NELL2: variants seen among roughly 807,000 people sequenced by gnomAD.
The protein encoded by NELL2 is protein kinase C-binding protein NELL2.
A neutral mutation model predicts 109.6 loss-of-function variants in NELL2; 41 were observed. The observed-to-expected ratio is 0.37, with a 90% CI of 0.29 to 0.49. NELL2 has a LOEUF of 0.49. NELL2 is among the 20% of genes least tolerant of loss of function. The pLI is 0.98. For synonymous variants in NELL2, 355 were observed against 344.7 expected, an observed-to-expected ratio of 1.03 and a Z score of -0.33; for missense variants, 900 against 1,008.3, an observed-to-expected ratio of 0.89 and a Z score of 1.45.
intron 3 of NELL2, among the ~76,000 whole-genome samples, chr12:44,814,216 G>A (rs1943263926): frequency 6.6e-6 from 1 of 152,120 alleles, no homozygotes; most frequent in Non-Finnish European, 1.5e-5. Context: ...GGTAGCAGTG[G>A]CCATCATCTA....
In NELL2 at chr12:44,834,596, C is replaced by T. The variant is rs748347130; in HGVS notation, c.185-18460G>A. ...GACAACAATTTAGCAATAAATACTG[C>T]GCAGGGCAGGGGTGGGGCACTAAGG... On this transcript the variant is annotated intron_variant, in intron 2 of 19. Coordinates refer to ENST00000429094, the MANE Select transcript of NELL2 (RefSeq NM_001145108.2). Among the ~76,000 whole-genome samples, 4 of 152,282 alleles carry T rather than the reference C, an allele frequency of 2.6e-5. No homozygotes were observed. In the East Asian group the frequency reaches 5.8e-4, roughly 22 times the overall value.
chr12:44,511,818 A>C (rs902152714), intron 19 of NELL2, among the ~76,000 whole-genome samples: 3 of 152,156 alleles, frequency 2.0e-5, no homozygotes, highest in Non-Finnish European at 4.4e-5. Context: ...ACCTATAAAA[A>C]ATCAACTAAA....
Position 44,716,263 on chromosome 12 carries a change from C to T in NELL2, c.995-1522G>A, listed in dbSNP as rs1938481948. The stretch of plus-strand genomic sequence containing the variant: ...AAACCATGCACGTTTTTTAAAATGT[C>T]ATCCTCCAACTGATCTCCTTACACA... On this transcript the variant is annotated intron_variant, in intron 9 of 19. Transcript: ENST00000429094. Among the ~76,000 whole-genome samples the T allele has an allele frequency of 5.3e-5, 8 of 152,088 alleles. No individual in the cohort carries two copies. In the South Asian group the frequency reaches 1.7e-3, roughly 32 times the overall value.
rs201652982 is a variant in NELL2, at chr12:44,777,302, C to T, written c.619G>A (p.Asp207Asn). ...TGGGGCATGACAAGTAATTGGACAT[C>T]TTGCATTATACCCTGTGTGTGAAAA... is the stretch of plus-strand genomic sequence containing the variant. ...AHGYFKGIMQ[D>N]VQLLVMPQGF... Residue 207 changes from aspartate (D) to asparagine (N), a missense_variant, in exon 6 of 20, where the codon GAT becomes AAT. Physicochemically the swap from Asp to Asn is conservative, Grantham distance 23. Coordinates refer to ENST00000429094, the MANE Select transcript of NELL2 (RefSeq NM_001145108.2). 10 of 1,613,212 alleles carry T rather than the reference C, an allele frequency of 6.2e-6. No homozygotes were observed. The highest frequency in any genetic ancestry group is 4.0e-5 in the African/African-American group (3 of 75,008).
At chr12:44,522,302 T>C (rs1941577720) in intron 17 of NELL2, 126 bp from the exon 18 acceptor site, 1 of 684,702 alleles carries the variant, frequency 1.5e-6, no homozygotes, top group African/African-American at 1.9e-5. Context: ...GCTTATCTGA[T>C]ATAATAAATT....
At chr12:44,792,061 C>T (rs12322873) in intron 3 of NELL2, among the ~76,000 whole-genome samples, 3,771 of 152,074 alleles carry the variant, frequency 0.025, 159 homozygotes, top group African/African-American at 0.087. Context: ...TCAAAAGCCT[C>T]GTGACGAGGA....
At chr12:44,837,925 T>C (rs1037240375) in intron 2 of NELL2, among the ~76,000 whole-genome samples, 1 of 152,188 alleles carries the variant, frequency 6.6e-6, no homozygotes, top group Non-Finnish European at 1.5e-5. Flanking sequence ...TATAATACCC[T>C]AAAATCATCT....
intron 1 of NELL2, among the ~76,000 whole-genome samples, chr12:44,909,496 T>C (rs1312787256): frequency 6.6e-6 from 1 of 151,856 alleles, no homozygotes; most frequent in Non-Finnish European, 1.5e-5. Flanking sequence ...ACCACAATCA[T>C]TAAAATACCC....
At chr12:44,733,308 G>GT (rs1418186856) in intron 9 of NELL2, among the ~76,000 whole-genome samples, 2 of 151,928 alleles carry the variant, frequency 1.3e-5, no homozygotes, top group African/African-American at 4.8e-5. Flanking sequence ...AACAACCTAA[G>GT]TGTCCACTGA....
chr12:44,626,322 T>C (rs1430290773), intron 13 of NELL2, among the ~76,000 whole-genome samples: 1 of 152,188 alleles, frequency 6.6e-6, no homozygotes, highest in Non-Finnish European at 1.5e-5. Flanking sequence ...TCTGTGTTCC[T>C]TGAATAGCTA....
At chr12:44,574,739 G>A (rs1451941094) in intron 15 of NELL2, among the ~76,000 whole-genome samples, 2 of 152,066 alleles carry the variant, frequency 1.3e-5, no homozygotes, top group African/African-American at 4.8e-5. Context: ...CAGAGATTTG[G>A]CACATATGTT....
intron 13 of NELL2, among the ~76,000 whole-genome samples, chr12:44,626,876 T>A (rs1443937664): frequency 6.6e-6 from 1 of 152,196 alleles, no homozygotes; most frequent in African/African-American, 2.4e-5. Flanking sequence ...CCACAATGAA[T>A]TTCGATTTTA....
Position 44,777,102 on chromosome 12 carries a change from G to A in NELL2, c.702C>T (p.Phe234=). Residue 234 remains phenylalanine (F), a synonymous_variant, in exon 7 of 20, where the codon TTC becomes TTT. Coordinates refer to ENST00000429094, the MANE Select transcript of NELL2 (RefSeq NM_001145108.2). The stretch of plus-strand genomic sequence containing the variant: ...CCATGATTTTCTGCACAAGTCCATG[G>A]AAGTCATTGCAAGTTGGACAGGCTG... ...LNRTCPTCND[F]HGLVQKIMEL... is the part of the protein sequence containing the mutation. 1 of 1,613,996 alleles carries A rather than the reference G, an allele frequency of 6.2e-7. No homozygotes were observed. The highest frequency in any genetic ancestry group is 8.5e-7 in the Non-Finnish European group (1 of 1,179,928).
intron 1 of NELL2, among the ~76,000 whole-genome samples, chr12:44,909,869 AG>A (rs1277184983): frequency 1.3e-5 from 2 of 151,934 alleles, no homozygotes; most frequent in Non-Finnish European, 2.9e-5. Context: ...AACAAAAATA[AG>A]CAATAGGGAA....
At chr12:44,665,264 T>C (rs901257793) in intron 13 of NELL2, among the ~76,000 whole-genome samples, 1 of 152,144 alleles carries the variant, frequency 6.6e-6, no homozygotes, top group Non-Finnish European at 1.5e-5. Flanking sequence ...TTTTTTAGGA[T>C]TTTTATCTTC....
Position 44,828,011 on chromosome 12 carries a change from G to A in NELL2, c.185-11875C>T, listed in dbSNP as rs189902629. On this transcript the variant is annotated intron_variant, in intron 2 of 19. Transcript: ENST00000429094. ...CTTTTGGATAAAAGCCATTTTGACT[G>A]GGGTGAGATGGTATCTCATTGTAGT... Among the ~76,000 whole-genome samples the A allele has an allele frequency of 1.7e-3, 253 of 152,264 alleles. 1 individual carries two copies. Among genetic ancestry groups the A allele is most frequent in the Non-Finnish European group, 3.2e-3 (215 of 68,006 alleles).
upstream of NELL2, among the ~76,000 whole-genome samples, chr12:44,881,313 T>A (rs1428697486): frequency 1.3e-5 from 2 of 151,844 alleles, no homozygotes; most frequent in Non-Finnish European, 2.9e-5. Flanking sequence ...GACACAGATG[T>A]TGGAATTATC....
chr12:44,863,517 T>A (rs1457992453), intron 2 of NELL2, among the ~76,000 whole-genome samples: 3 of 45,162 alleles, frequency 6.6e-5, no homozygotes, highest in African/African-American at 2.2e-4. Flanking sequence ...ATTGTAGAAG[T>A]AATAAAAAAA....
chr12:44,912,333 T>C (rs1263454980), intron 1 of NELL2, among the ~76,000 whole-genome samples: 2 of 152,072 alleles, frequency 1.3e-5, no homozygotes, highest in African/African-American at 4.8e-5. Flanking sequence ...CTATGGGATG[T>C]TGAAAGATTA....
Sources: gnomAD v4.1 joint callset for allele counts (sites outside exome capture counted in the v4.1 genomes callset) on GRCh38, gnomAD v4.1.1 for gene constraint, MANE v1.5 for transcripts, NCBI Gene and HGNC (gene_info 2026-07-23, HGNC 2026-07-21) for gene names.